KL: variants seen among roughly 807,000 people sequenced by gnomAD.
The protein encoded by KL is klotho.
In KL, 62 loss-of-function variants were observed where a neutral mutation model predicts 84.2. The ratio of observed to expected loss-of-function variants is 0.74; its 90% CI spans 0.60 to 0.91. The LOEUF is 0.91. Ranked by LOEUF, KL falls within the 40% of genes least tolerant of loss-of-function variation. The probability of loss-of-function intolerance (pLI) is 0.00; values close to 1 mark genes in which losing one functional copy is unlikely to be tolerated. For missense variants in KL, 1,261 were observed against 1,305.7 expected (o/e 0.97, Z 0.53); for synonymous variants, 528 against 528.0 (o/e 1.00, Z 0.00).
intron 1 of KL, among the ~76,000 whole-genome samples, chr13:33,027,396 C>G (rs535785420): frequency 2.6e-5 from 4 of 152,158 alleles, no homozygotes; most frequent in African/African-American, 9.7e-5. Flanking sequence ...TTTCCCCAAC[C>G]GGGGCCTTGA....
In KL at chr13:33,065,781, C is replaced by T. The variant is rs1276559815; in HGVS notation, c.*1595C>T. The stretch of plus-strand genomic sequence containing the variant: ...AGAAAAAATAAAAATTATCTATAAT[C>T]TCAGAACCCAGAAATAGCCACTATT... On this transcript the variant is annotated 3_prime_UTR_variant, in exon 5 of 5. Coordinates refer to ENST00000380099, the MANE Select transcript of KL (RefSeq NM_004795.4). 1 of 174,342 alleles carries T rather than the reference C, an allele frequency of 5.7e-6. No individual in the cohort carries two copies. The highest frequency in any genetic ancestry group is 1.2e-5 in the Non-Finnish European group (1 of 81,036). The allele number at this position is 174,342 out of a possible 1,614,324, so 10.8% of individuals were successfully genotyped here.
chr13:33,028,383 C>A lies in KL; in HGVS notation c.819+11124C>A, dbSNP rs181228494. ...TAAACTGTCAATCATTCATGAGAGTCAAAGTCCCAAAAAATAAATCTTCCA... is the reference window on the plus strand; with the variant it reads ...TAAACTGTCAATCATTCATGAGAGTAAAAGTCCCAAAAAATAAATCTTCCA... On this transcript the variant is annotated intron_variant, in intron 1 of 4. Coordinates refer to ENST00000380099, the MANE Select transcript of KL (RefSeq NM_004795.4). Among the ~76,000 whole-genome samples, 215 of 152,248 alleles carry A rather than the reference C, an allele frequency of 1.4e-3. 1 individual carries two copies. The highest frequency in any genetic ancestry group is 5.8e-3 in the South Asian group (28 of 4,818).
At chr13:33,025,473 T>A (rs1420293411) in intron 1 of KL, among the ~76,000 whole-genome samples, 2 of 152,150 alleles carry the variant, frequency 1.3e-5, no homozygotes, top group African/African-American at 4.8e-5. Context: ...GCACACAAAG[T>A]GAGAAGGGCA....
At chr13:33,044,652 T>TTC (rs1555334306) in intron 1 of KL, among the ~76,000 whole-genome samples, 1 of 97,756 alleles carries the variant, frequency 1.0e-5, no homozygotes, top group Non-Finnish European at 2.1e-5. Context: ...TTTTTTTTTT[T>TTC]TTTTTTTTTT....
At position 33,054,895 on chromosome 13, in the gene KL, G is replaced by A. The variant is rs1871894850; in HGVS notation, c.1331-152G>A. 21 of 983,096 alleles carry A rather than the reference G, an allele frequency of 2.1e-5. No homozygotes were observed. In the South Asian group the frequency reaches 2.9e-4, roughly 13 times the overall value. The allele number at this position is 983,096 out of a possible 1,614,324, so 60.9% of individuals were successfully genotyped here. On this transcript the variant is annotated intron_variant, in intron 2 of 4. Coordinates refer to ENST00000380099, the MANE Select transcript of KL (RefSeq NM_004795.4). ...TTGTAGAGTTATATAGGTTTGATTAGAGTCTTTCGTCAAGAAGAAAAATCA... is the reference window on the plus strand; with the variant it reads ...TTGTAGAGTTATATAGGTTTGATTAAAGTCTTTCGTCAAGAAGAAAAATCA...
rs1872391279 is a variant in KL at position 33,065,819 on chromosome 13, GTATTT to G, written c.*1641_*1645del. The G allele has an allele frequency of 5.8e-6, 1 of 173,262 alleles. No individual in the cohort carries two copies. The highest frequency in any genetic ancestry group is 1.2e-5 in the Non-Finnish European group (1 of 80,468). 10.7% of individuals were successfully genotyped at this position (173,262 alleles called of 1,614,324 possible). On this transcript the variant is annotated 3_prime_UTR_variant, in exon 5 of 5. Coordinates refer to ENST00000380099, the MANE Select transcript of KL (RefSeq NM_004795.4). ...AATAGCCACTATTAACATTTCCTAC[GTATTT>G]TATTTTACATAGATCATATTGTATA...
intron 1 of KL, among the ~76,000 whole-genome samples, chr13:33,029,694 C>G (rs1320175745): frequency 6.6e-6 from 1 of 152,120 alleles, no homozygotes; most frequent in Non-Finnish European, 1.5e-5. Flanking sequence ...AGTGCAGTGG[C>G]ACAATCTCGG....
In KL at chr13:33,064,015, A is replaced by G. The variant is rs145576030; in HGVS notation, c.2868A>G (p.Pro956=). 1 of 1,614,124 alleles carries G rather than the reference A, an allele frequency of 6.2e-7. No homozygotes were observed. The highest frequency in any genetic ancestry group is 1.3e-5 in the African/African-American group (1 of 74,940). Reference sequence around the variant, plus strand: ...TTGACAGCAATGGTTTCCCGGGCCCAGAAACTCTGGAAAGATTTTGTCCAG... The same window carrying G: ...TTGACAGCAATGGTTTCCCGGGCCCGGAAACTCTGGAAAGATTTTGTCCAG... The part of the protein sequence containing the change: ...KIIDSNGFPG[P]ETLERFCPEE... The change falls in exon 5 of 5, where the codon CCA becomes CCG. Residue 956 remains proline (P), a synonymous_variant. Coordinates refer to ENST00000380099, the MANE Select transcript of KL (RefSeq NM_004795.4).
intron 1 of KL, among the ~76,000 whole-genome samples, chr13:33,042,975 C>T (rs1871392660): frequency 6.6e-6 from 1 of 152,152 alleles, no homozygotes; most frequent in Non-Finnish European, 1.5e-5. Flanking sequence ...AGCCACTGTG[C>T]CCGGCCAGCA....
chr13:33,019,732 T>TGTGAGAGAGAGA (rs139721497), intron 1 of KL, among the ~76,000 whole-genome samples: 2 of 133,368 alleles, frequency 1.5e-5, no homozygotes, highest in East Asian at 2.1e-4. Context: ...TGTGTGTGTG[T>TGTGAGAGAGAGA]GAGAGAGAGA....
chr13:33,048,888 G>A (rs1473321998), intron 1 of KL, among the ~76,000 whole-genome samples: 2 of 152,196 alleles, frequency 1.3e-5, no homozygotes, highest in Non-Finnish European at 2.9e-5. Context: ...ATGTTCTGTG[G>A]AATTCAGAGT....
At chr13:33,025,819 T>C (rs1367664313) in intron 1 of KL, among the ~76,000 whole-genome samples, 2 of 148,356 alleles carry the variant, frequency 1.3e-5, no homozygotes, top group East Asian at 1.9e-4. Flanking sequence ...CTCAGGTTTT[T>C]TCCCCCCAGC....
intron 1 of KL, among the ~76,000 whole-genome samples, chr13:33,052,687 G>A (rs1871798326): frequency 6.6e-6 from 1 of 152,214 alleles, no homozygotes; most frequent in Non-Finnish European, 1.5e-5. Context: ...TGAAGAGGCT[G>A]TTTGGCTTAA....
intron 1 of KL, among the ~76,000 whole-genome samples, chr13:33,041,429 C>T (rs1318776074): frequency 1.4e-5 from 2 of 145,560 alleles, no homozygotes; most frequent in African/African-American, 2.5e-5. Flanking sequence ...ATTACTTTGG[C>T]ACCAACCTAA....
chr13:33,064,054 G>T lies in KL; in HGVS notation c.2907G>T (p.Val969=). The change falls in exon 5 of 5, where the codon GTG becomes GTT. Residue 969 remains valine (V), a synonymous_variant. Transcript: ENST00000380099. The stretch of plus-strand genomic sequence containing the variant: ...GATTTTGTCCAGAAGAATTCACCGT[G>T]TGTACTGAGTGCAGTTTTTTTCACA... ...LERFCPEEFT[V]CTECSFFHTR... The T allele has an allele frequency of 6.2e-7, 1 of 1,614,152 alleles. No individual in the cohort carries two copies. Among genetic ancestry groups the T allele is most frequent in the East Asian group, 2.2e-5 (1 of 44,888 alleles).
At chr13:33,025,521 A>C (rs565587) in intron 1 of KL, among the ~76,000 whole-genome samples, 1 of 152,062 alleles carries the variant, frequency 6.6e-6, no homozygotes, top group Non-Finnish European at 1.5e-5. Context: ...CAAAGTCAGT[A>C]CAGGTGAGAC....
intron 1 of KL, among the ~76,000 whole-genome samples, chr13:33,045,398 C>T (rs1216063909): frequency 6.6e-6 from 1 of 152,196 alleles, no homozygotes; most frequent in Non-Finnish European, 1.5e-5. Context: ...TGAAAGCAGG[C>T]ATCTTCCTTT....
intron 2 of KL, 113 bp from the exon 3 acceptor site, chr13:33,054,934 C>T (rs1333619664): frequency 1.6e-5 from 21 of 1,344,338 alleles, no homozygotes; most frequent in South Asian, 4.8e-5. Context: ...GCTTACCAAA[C>T]GAGAAGCATT....
At chr13:33,025,224 G>A (rs562885) in intron 1 of KL, among the ~76,000 whole-genome samples, 89,576 of 152,040 alleles carry the variant, frequency 0.59, 28,279 homozygotes, top group Middle Eastern at 0.72. Flanking sequence ...GAGGTAGTAC[G>A]GGAGCAGTCA....
Sources: allele counts gnomAD v4.1 joint callset (sites outside exome capture counted in the v4.1 genomes callset), GRCh38; gene constraint gnomAD v4.1.1; transcripts MANE v1.5; gene names NCBI Gene and HGNC (gene_info 2026-07-23, HGNC 2026-07-21).